Variants in TEX10 observed in about 807,000 individuals in gnomAD.
TEX10 encodes testis expressed 10.
A neutral mutation model predicts 104.4 loss-of-function variants in TEX10; 24 were observed. That is an observed-to-expected ratio of 0.23 (90% CI 0.17 to 0.32). TEX10 has a LOEUF of 0.32. Among genes scored for constraint, TEX10 ranks in the 10% least tolerant of loss-of-function variants. TEX10 has a pLI of 1.00. For missense variants in TEX10, 921 were observed against 1,083.9 expected, an observed-to-expected ratio of 0.85 and a Z score of 2.11; for synonymous variants, 396 against 393.4, an observed-to-expected ratio of 1.01 and a Z score of -0.08.
intron 9 of TEX10, among the ~76,000 whole-genome samples, chr9:100,322,420 T>C (rs968949006): frequency 1.3e-5 from 2 of 152,152 alleles, no homozygotes; most frequent in African/African-American, 2.4e-5. Context: ...AAAAATTCCC[T>C]TCAAGGTAAG....
rs1834540703 is a variant in TEX10 at position 100,320,516 on chromosome 9, TTC to T, written c.2069-120_2069-119del. The T allele has an allele frequency of 3.6e-6, 4 of 1,098,678 alleles. No individual in the cohort carries two copies. In the Admixed American group the frequency reaches 9.1e-5, roughly 25 times the overall value. The allele number at this position is 1,098,678 out of a possible 1,614,324, so 68.1% of individuals were successfully genotyped here. A position where few individuals can be genotyped will look rare whatever the true frequency, so the allele number is the denominator to read the frequency against. On this transcript the variant is annotated intron_variant, in intron 10 of 14. Transcript: ENST00000374902. ...TGAACATTCTTTAAGCTACCTTGTT[TTC>T]TCTGAGCTTCTGCATTTCATGCTAT... is the stretch of plus-strand genomic sequence containing the variant.
At chr9:100,310,184 A>C in intron 12 of TEX10, 115 bp downstream of exon 12, 43 of 778,896 alleles carry the variant, frequency 5.5e-5, no homozygotes, top group Non-Finnish European at 8.0e-5. Flanking sequence ...GCAAGAGACT[A>C]TGATATCATT....
intron 3 of TEX10, 89 bp downstream of exon 3, chr9:100,346,605 T>C (rs1028857262): frequency 4.5e-6 from 6 of 1,337,768 alleles, no homozygotes; most frequent in African/African-American, 1.5e-5. Flanking sequence ...GAAAGACAAC[T>C]GCATGTCTTC....
intron 9 of TEX10, among the ~76,000 whole-genome samples, chr9:100,324,519 G>T (rs1393531327): frequency 6.6e-6 from 1 of 152,070 alleles, no homozygotes; most frequent in Non-Finnish European, 1.5e-5. Flanking sequence ...TAATTTGGTA[G>T]ACTTTTAACT....
intron 7 of TEX10, among the ~76,000 whole-genome samples, chr9:100,328,386 T>C (rs964157634): frequency 3.9e-5 from 6 of 152,228 alleles, no homozygotes; most frequent in Non-Finnish European, 8.8e-5. Context: ...CTAGGTCCCC[T>C]GAAAGGCTGG....
rs1470543386 is a variant in TEX10 at position 100,352,869 on chromosome 9, T to C, written c.-107A>G. 1.0e-6 allele frequency: 1 copy of C among 999,898 alleles called. No individual in the cohort carries two copies. Among genetic ancestry groups the C allele is most frequent in the East Asian group, 1.1e-4 (1 of 9,224 alleles). 61.9% of individuals were successfully genotyped at this position (999,898 alleles called of 1,614,324 possible). On this transcript the variant is annotated 5_prime_UTR_variant, in exon 1 of 15. Coordinates refer to ENST00000374902, the MANE Select transcript of TEX10 (RefSeq NM_017746.4). ...AGCGTGCGCCGCCGACCTCAGGCTC[T>C]AGCTCCCGGAGCGTGTTTTCAAATA...
At chr9:100,319,313 A>G (rs1834505835) in intron 11 of TEX10, among the ~76,000 whole-genome samples, 1 of 152,334 alleles carries the variant, frequency 6.6e-6, no homozygotes, top group Non-Finnish European at 1.5e-5. Flanking sequence ...GTACTAAAAC[A>G]TAAGATTTCC....
At chr9:100,317,024 G>A (rs1486576238) in intron 11 of TEX10, among the ~76,000 whole-genome samples, 1 of 151,218 alleles carries the variant, frequency 6.6e-6, no homozygotes, top group Non-Finnish European at 1.5e-5. Context: ...AACATTCAAT[G>A]TTCAGATAGA....
chr9:100,346,079 TG>T lies in TEX10; in HGVS notation c.1129del (p.His377IlefsTer20). 6.2e-7 allele frequency: 1 copy of T among 1,610,490 alleles called. No homozygotes were observed. The highest frequency in any genetic ancestry group is 8.5e-7 in the Non-Finnish European group (1 of 1,178,366). ...AGAACCATTAGTTCTCACCAATTTA[TG>T]GGTTTCATCCTGTTGTTTAGAGAGT... is the stretch of plus-strand genomic sequence containing the variant. ...WKLSKQQDETHKLESWLRKNY... is the reference protein window; with the variant it reads ...WKLSKQQDETXKLESWLRKNY... On this transcript the variant is annotated frameshift_variant, in exon 4 of 15. Transcript: ENST00000374902. LOFTEE classifies it high-confidence loss of function.
intron 9 of TEX10, among the ~76,000 whole-genome samples, chr9:100,324,381 G>A (rs1834651582): frequency 6.6e-6 from 1 of 152,042 alleles, no homozygotes; most frequent in Non-Finnish European, 1.5e-5. Flanking sequence ...GGTGCTATGG[G>A]CTCAAGAAGG....
In TEX10 at chr9:100,310,379, C is replaced by T; in HGVS notation, c.2203G>A (p.Ala735Thr). The change falls in exon 12 of 15, where the codon GCA (alanine) becomes ACA (threonine). Residue 735 changes from alanine (A) to threonine (T), a missense_variant and splice_region_variant. Ala to Thr is a moderately conservative substitution (Grantham distance 58). This residue lies in a region of TEX10 where 753 missense variants were observed against 868.4 expected (regional missense o/e 0.87). Coordinates refer to ENST00000374902, the MANE Select transcript of TEX10 (RefSeq NM_017746.4). ...ATAACCAATAAACTGTGAAAAACTGCCTGTCAGAAAAGGAGAAAACCACTA... is the reference window on the plus strand; with the variant it reads ...ATAACCAATAAACTGTGAAAAACTGTCTGTCAGAAAAGGAGAAAACCACTA... ...QFLHHWDVTE[A>T]VFHSLLVIPA... is the part of the protein sequence containing the mutation. 1 of 1,613,042 alleles carries T rather than the reference C, an allele frequency of 6.2e-7. No homozygotes were observed. Among genetic ancestry groups the T allele is most frequent in the Non-Finnish European group, 8.5e-7 (1 of 1,179,596 alleles).
chr9:100,308,836 G>C (rs1451926822), intron 12 of TEX10, among the ~76,000 whole-genome samples, 155 bp from the exon 13 acceptor site: 1 of 152,186 alleles, frequency 6.6e-6, no homozygotes, highest in East Asian at 1.9e-4. Flanking sequence ...TTAAGGTCCT[G>C]TTTTCCTTTG....
rs989516629 is a variant in TEX10, at chr9:100,318,398, G to C, written c.2202+1867C>G. The stretch of plus-strand genomic sequence containing the variant: ...GGCGCATATTCTTGCTTGTAAGTGG[G>C]AGCTAAAAATAATGTCTACTCATGG... On this transcript the variant is annotated intron_variant, in intron 11 of 14. Transcript: ENST00000374902. Among the ~76,000 whole-genome samples the C allele has an allele frequency of 3.3e-5, 5 of 152,142 alleles. 1 individual carries two copies. The highest frequency in any genetic ancestry group is 3.3e-4 in the Admixed American group (5 of 15,272).
intron 1 of TEX10, among the ~76,000 whole-genome samples, chr9:100,350,638 T>C (rs1835415994): frequency 6.6e-6 from 1 of 152,162 alleles, no homozygotes; most frequent in South Asian, 2.1e-4. Context: ...TTTATCATAA[T>C]TATCCTGTGC....
chr9:100,348,840 G>A (rs574473843), intron 2 of TEX10, among the ~76,000 whole-genome samples: 6 of 152,136 alleles, frequency 3.9e-5, no homozygotes, highest in East Asian at 3.8e-4. Context: ...GAGCCCAGAA[G>A]GTCCTGGCTG....
Position 100,325,376 on chromosome 9 carries a change from C to T in TEX10, c.1979+926G>A, listed in dbSNP as rs113973095. 8.6e-3 allele frequency among the ~76,000 whole-genome samples: 1,313 copies of T among 152,274 alleles called. 19 individuals are homozygous for T. The highest frequency in any genetic ancestry group is 0.03 in the African/African-American group (1,235 of 41,546). On this transcript the variant is annotated intron_variant, in intron 9 of 14. Coordinates refer to ENST00000374902, the MANE Select transcript of TEX10 (RefSeq NM_017746.4). ...TTCAGAGTTTCAGAGTAAAATGGCA[C>T]AGCCGCTATGGAAAATGGCATGTAG...
At chr9:100,306,027 A>G (rs1467967145) in intron 13 of TEX10, 2 of 152,238 alleles carry the variant, frequency 1.3e-5, no homozygotes, top group African/African-American at 2.4e-5. Flanking sequence ...CAAGAACTTT[A>G]AAGAAACACC....
chr9:100,321,757 C>T lies in TEX10; in HGVS notation c.1994G>A (p.Gly665Glu). ...CCAGTCTTTAGCTGAATACTTCCAC[C>T]CAGAAAATGATGATCTATAAAAAAC... ...GILHMRSSFS[G>E]WKYSAKDWLM... is the part of the protein sequence containing the mutation. Residue 665 changes from glycine to glutamate, a missense_variant, in exon 10 of 15, where the codon GGG becomes GAG. By Grantham distance (98) the Gly-to-Glu change is moderately conservative. Coordinates refer to ENST00000374902, the MANE Select transcript of TEX10 (RefSeq NM_017746.4). 1.2e-6 allele frequency: 2 copies of T among 1,611,586 alleles called. No individual in the cohort carries two copies. The highest frequency in any genetic ancestry group is 1.1e-5 in the South Asian group (1 of 90,958).
chr9:100,317,654 A>G (rs1289731849), intron 11 of TEX10, among the ~76,000 whole-genome samples: 2 of 152,288 alleles, frequency 1.3e-5, no homozygotes, highest in East Asian at 3.9e-4. Context: ...TACACTAAAA[A>G]ATTTCTACAC....
Sources: allele counts gnomAD v4.1 joint callset (sites outside exome capture counted in the v4.1 genomes callset), GRCh38; gene constraint gnomAD v4.1.1; regional missense constraint gnomAD v4.1.1; transcripts MANE v1.5; gene names NCBI Gene and HGNC (gene_info 2026-07-23, HGNC 2026-07-21).